UIMC1: variants seen among roughly 807,000 people sequenced by gnomAD.
The protein encoded by UIMC1 is ubiquitin interaction motif containing 1, also known as BRCA1-A complex subunit RAP80.
UIMC1 carries 42 observed loss-of-function variants against 84.9 expected under a neutral mutation model. The observed-to-expected ratio is 0.49, with a 90% CI of 0.39 to 0.64. The LOEUF (loss-of-function observed/expected upper bound fraction) is 0.64. Among genes scored for constraint, UIMC1 ranks in the 30% least tolerant of loss-of-function variants. The pLI, the probability that UIMC1 is intolerant of heterozygous loss-of-function variation, is 0.00. For missense variants in UIMC1, 825 were observed against 847.6 expected (o/e 0.97, Z 0.33); for synonymous variants, 281 against 293.0 (o/e 0.96, Z 0.42).
chr5:176,941,939 G>A (rs1016081154), intron 10 of UIMC1, among the ~76,000 whole-genome samples: 3 of 152,088 alleles, frequency 2.0e-5, no homozygotes, highest in African/African-American at 7.2e-5. Flanking sequence ...TGCCTCCCGG[G>A]TTCAAGCAAT....
At chr5:176,915,739 C>G (rs565816622) in intron 10 of UIMC1, among the ~76,000 whole-genome samples, 1 of 148,968 alleles carries the variant, frequency 6.7e-6, no homozygotes, top group Admixed American at 6.8e-5. Context: ...CAGGCGTGAG[C>G]CACTGCGCCT....
intron 1 of UIMC1, chr5:177,002,139 A>C (rs956877345): frequency 3.3e-5 from 5 of 151,784 alleles, no homozygotes; most frequent in East Asian, 1.9e-4. Flanking sequence ...AAACAAAAAA[A>C]AAAAAATTAG....
intron 11 of UIMC1, among the ~76,000 whole-genome samples, chr5:176,910,192 T>C (rs1359802988): frequency 6.6e-6 from 1 of 152,246 alleles, no homozygotes; most frequent in Non-Finnish European, 1.5e-5. Context: ...ATGTCTACAT[T>C]ACAGTAAGAT....
chr5:176,945,083 G>A (rs1764909008), intron 9 of UIMC1, among the ~76,000 whole-genome samples: 1 of 152,218 alleles, frequency 6.6e-6, no homozygotes, highest in Admixed American at 6.5e-5. Context: ...ATTCTATCAT[G>A]TTGTGGCAGA....
At chr5:177,007,134 A>C (rs1775379072), upstream of UIMC1, among the ~76,000 whole-genome samples, 1 of 152,028 alleles carries the variant, frequency 6.6e-6, no homozygotes, top group African/African-American at 2.4e-5. Flanking sequence ...TGAGGTCGGG[A>C]GTTCGAGACC....
intron 1 of UIMC1, chr5:177,001,951 C>CA (rs34048093): frequency 0.38 from 23,638 of 62,524 alleles, 4,282 homozygotes; most frequent in African/African-American, 0.43. Flanking sequence ...CTCTGTTTCC[C>CA]AAAAAAAAAA....
chr5:176,956,978 T>C (rs1412474297), intron 7 of UIMC1, among the ~76,000 whole-genome samples: 1 of 152,158 alleles, frequency 6.6e-6, no homozygotes, highest in African/African-American at 2.4e-5. Context: ...AACAATTTTC[T>C]GACATTTATA....
At chr5:176,947,324 T>C (rs555135149) in intron 9 of UIMC1, among the ~76,000 whole-genome samples, 1 of 152,188 alleles carries the variant, frequency 6.6e-6, no homozygotes, top group Non-Finnish European at 1.5e-5. Context: ...GTCAGGGATT[T>C]CTTTGCAGAG....
rs776564334 is a variant in UIMC1, at chr5:176,911,301, A to G, written c.1676+10T>C. Reference sequence around the variant, plus strand: ...TACAAGAGCTCCGTGAATGCAGCATACCTACTTACTTGTCAATGTCTAGAG... The same window carrying G: ...TACAAGAGCTCCGTGAATGCAGCATGCCTACTTACTTGTCAATGTCTAGAG... On this transcript the variant is annotated intron_variant, in intron 11 of 14. Coordinates refer to ENST00000511320, the MANE Select transcript of UIMC1 (RefSeq NM_001199298.2). 2 of 1,589,472 alleles carry G rather than the reference A, an allele frequency of 1.3e-6. No individual in the cohort carries two copies. Among genetic ancestry groups the G allele is most frequent in the Non-Finnish European group, 1.7e-6 (2 of 1,167,216 alleles).
intron 10 of UIMC1, among the ~76,000 whole-genome samples, chr5:176,926,556 G>A (rs931962012): frequency 6.6e-6 from 1 of 152,026 alleles, no homozygotes; most frequent in Non-Finnish European, 1.5e-5. Context: ...AGGACTGCTG[G>A]AGCCCAGGAG....
At chr5:176,941,936 C>G (rs769375949) in intron 10 of UIMC1, among the ~76,000 whole-genome samples, 1 of 152,086 alleles carries the variant, frequency 6.6e-6, no homozygotes, top group South Asian at 2.1e-4. Context: ...CTCTGCCTCC[C>G]GGGTTCAAGC....
At chr5:177,021,911 C>T (rs1011657299) in intron 1 of UIMC1, among the ~76,000 whole-genome samples, 2 of 152,134 alleles carry the variant, frequency 1.3e-5, no homozygotes, top group Non-Finnish European at 2.9e-5. Flanking sequence ...CTTAGCCTCC[C>T]AAAGTGCTGG....
Position 176,982,634 on chromosome 5 carries a change from A to T in UIMC1, c.-8-11T>A, listed in dbSNP as rs769151416. The T allele has an allele frequency of 1.6e-5, 26 of 1,604,870 alleles. No homozygotes were observed. Among genetic ancestry groups the T allele is most frequent in the Middle Eastern group, 3.3e-4 (2 of 6,050 alleles). On this transcript the variant is annotated splice_polypyrimidine_tract_variant and intron_variant, in intron 1 of 14. Coordinates refer to ENST00000511320, the MANE Select transcript of UIMC1 (RefSeq NM_001199298.2). Reference sequence around the variant, plus strand: ...GTGGCATCCTTTTGTCTAGAATAAAAGGACAATAATTTTGTCTAGAATAAA... The same window carrying T: ...GTGGCATCCTTTTGTCTAGAATAAATGGACAATAATTTTGTCTAGAATAAA...
intron 2 of UIMC1, 111 bp from the exon 3 acceptor site, chr5:176,975,591 T>C (rs1039871813): frequency 1.1e-6 from 1 of 945,544 alleles, no homozygotes; most frequent in African/African-American, 1.6e-5. Flanking sequence ...TGGTGATTGT[T>C]ATAAATATGC....
intron 2 of UIMC1, chr5:176,980,316 C>T (rs956630008): frequency 6.6e-6 from 1 of 152,074 alleles, no homozygotes; most frequent in African/African-American, 2.4e-5. Context: ...GTCCGTCCAT[C>T]CGTCCATCCG....
At chr5:176,954,858 T>C (rs1358193910) in intron 8 of UIMC1, among the ~76,000 whole-genome samples, 2 of 152,080 alleles carry the variant, frequency 1.3e-5, no homozygotes, top group East Asian at 1.9e-4. Context: ...TTTCCTAGAT[T>C]ACATGCAAAC....
intron 10 of UIMC1, among the ~76,000 whole-genome samples, chr5:176,917,970 A>C (rs774886370): frequency 2.6e-5 from 4 of 152,044 alleles, no homozygotes; most frequent in Non-Finnish European, 5.9e-5. Flanking sequence ...AAAAAATAAT[A>C]AAAAAAATTG....
rs917880337 is a variant in UIMC1 at position 177,019,148 on chromosome 5, G to T, written c.-9+3316C>A. On this transcript the variant is annotated intron_variant, in intron 1 of 5. Transcript: ENST00000509236. Reference sequence around the variant, plus strand: ...CACTGACTTTTAGGCTGGTCATCTGGTTTTGGCAAAAGGACATAGATTTGC... The same window carrying T: ...CACTGACTTTTAGGCTGGTCATCTGTTTTTGGCAAAAGGACATAGATTTGC... 2.0e-5 allele frequency among the ~76,000 whole-genome samples: 3 copies of T among 152,296 alleles called. No individual in the cohort carries two copies. The East Asian group carries it at 5.8e-4, about 29-fold the overall frequency.
At chr5:176,948,077 A>T (rs1459420193) in intron 9 of UIMC1, among the ~76,000 whole-genome samples, 1 of 152,110 alleles carries the variant, frequency 6.6e-6, no homozygotes, top group African/African-American at 2.4e-5. Flanking sequence ...CTCTTAACAT[A>T]GTTTACTGAA....
Sources: allele counts gnomAD v4.1 joint callset (sites outside exome capture counted in the v4.1 genomes callset), GRCh38; gene constraint gnomAD v4.1.1; transcripts MANE v1.5; gene names NCBI Gene and HGNC (gene_info 2026-07-23, HGNC 2026-07-21).